SDK1: variants seen among roughly 807,000 people sequenced by gnomAD.
SDK1 encodes sidekick cell adhesion molecule 1.
A neutral mutation model predicts 245.5 loss-of-function variants in SDK1; 157 were observed. That is an observed-to-expected ratio of 0.64 (90% CI 0.56 to 0.73). SDK1 has a LOEUF of 0.73. Ranked by LOEUF, SDK1 falls within the 30% of genes least tolerant of loss-of-function variation. SDK1 has a pLI of 0.00. For synonymous variants in SDK1, 1,647 were observed against 1,278.5 expected (o/e 1.29, Z -6.15); for missense variants, 3,583 against 3,002.3 (o/e 1.19, Z -4.52).
intron 1 of SDK1, among the ~76,000 whole-genome samples, chr7:3,432,510 G>A (rs1319642205): frequency 6.6e-6 from 1 of 152,156 alleles, no homozygotes; most frequent in African/African-American, 2.4e-5. Context: ...GGAAGAAATA[G>A]TAGTTTGTTA....
At position 4,192,474 on chromosome 7, in the gene SDK1, A is replaced by G. The variant is rs143702434; in HGVS notation, c.5099-13405A>G. Among the ~76,000 whole-genome samples the G allele has an allele frequency of 9.7e-3, 1,481 of 151,992 alleles. 24 individuals are homozygous for G. The highest frequency in any genetic ancestry group is 0.034 in the African/African-American group (1,400 of 41,446). On this transcript the variant is annotated intron_variant, in intron 35 of 44. Coordinates refer to ENST00000404826, the MANE Select transcript of SDK1 (RefSeq NM_152744.4). ...GTATTTTTAGTAGAGACAGGGTTTC[A>G]CTGTGTTAGCCAGGATGGTCTCGAT...
intron 1 of SDK1, among the ~76,000 whole-genome samples, chr7:3,311,671 C>A (rs1180715692): frequency 6.6e-6 from 1 of 152,152 alleles, no homozygotes; most frequent in African/African-American, 2.4e-5. Flanking sequence ...TGTTGCGACT[C>A]GTGGAGGCTT....
intron 4 of SDK1, among the ~76,000 whole-genome samples, chr7:3,644,510 A>G (rs1007927563): frequency 2.6e-5 from 4 of 151,534 alleles, no homozygotes; most frequent in Admixed American, 2.6e-4. Flanking sequence ...TGTTCCTGTA[A>G]TCTCGGCACT....
chr7:3,940,263 A>T (rs543330324), intron 5 of SDK1, among the ~76,000 whole-genome samples: 2 of 152,268 alleles, frequency 1.3e-5, no homozygotes, highest in African/African-American at 4.8e-5. Context: ...TTCAAGTTGG[A>T]TATTTAGAAT....
At chr7:3,458,793 C>G (rs1026690198) in intron 1 of SDK1, among the ~76,000 whole-genome samples, 1 of 152,138 alleles carries the variant, frequency 6.6e-6, no homozygotes, top group African/African-American at 2.4e-5. Flanking sequence ...TTTCTACTTG[C>G]TCCAGGAAAT....
At chr7:3,734,845 T>C (rs1779276482) in intron 4 of SDK1, among the ~76,000 whole-genome samples, 1 of 152,186 alleles carries the variant, frequency 6.6e-6, no homozygotes, top group African/African-American at 2.4e-5. Flanking sequence ...TCTTTGGCAA[T>C]TTTTTTCATC....
chr7:3,396,929 C>G (rs1481834433), intron 1 of SDK1, among the ~76,000 whole-genome samples: 2 of 151,132 alleles, frequency 1.3e-5, no homozygotes, highest in African/African-American at 4.8e-5. Context: ...ATTTTTTGTT[C>G]CTTCATTCCT....
At chr7:4,229,745 A>G (rs1048823159) in intron 40 of SDK1, among the ~76,000 whole-genome samples, 6 of 152,220 alleles carry the variant, frequency 3.9e-5, no homozygotes, top group Non-Finnish European at 5.9e-5. Flanking sequence ...CCAGTTTATA[A>G]GAGTCTGTAT....
chr7:3,698,550 C>G (rs1784642430), intron 4 of SDK1, among the ~76,000 whole-genome samples: 1 of 152,138 alleles, frequency 6.6e-6, no homozygotes, highest in Admixed American at 6.5e-5. Flanking sequence ...GTCACAGAAC[C>G]CTCTGCACCT....
In SDK1 at chr7:4,197,813, G is replaced by C. The variant is rs540512152; in HGVS notation, c.5099-8066G>C. On this transcript the variant is annotated intron_variant, in intron 35 of 44. Transcript: ENST00000404826. ...CCTGACCTTCAGATGTGGGAGGACT[G>C]TAAGAATCTCAGGGAGACCCCCACC... is the stretch of plus-strand genomic sequence containing the variant. Among the ~76,000 whole-genome samples, 8 of 152,324 alleles carry C rather than the reference G, an allele frequency of 5.3e-5. No individual in the cohort carries two copies. The East Asian group carries it at 1.4e-3, about 26-fold the overall frequency.
At chr7:3,804,821 G>A (rs555995142) in intron 4 of SDK1, among the ~76,000 whole-genome samples, 14 of 152,262 alleles carry the variant, frequency 9.2e-5, no homozygotes, top group East Asian at 5.8e-4. Flanking sequence ...TGTCAGTGGC[G>A]TTATATTTTA....
chr7:3,399,445 T>C (rs1778822012), intron 1 of SDK1, among the ~76,000 whole-genome samples: 1 of 152,178 alleles, frequency 6.6e-6, no homozygotes, highest in South Asian at 2.1e-4. Flanking sequence ...CAGCTTCTAT[T>C]GACTCCTTTT....
intron 4 of SDK1, among the ~76,000 whole-genome samples, chr7:3,811,645 G>A (rs546941121): frequency 6.6e-6 from 1 of 152,166 alleles, no homozygotes; most frequent in Non-Finnish European, 1.5e-5. Context: ...CCATGGTGCT[G>A]GGAGTAGTCA....
chr7:3,510,126 G>T (rs528317795), intron 1 of SDK1, among the ~76,000 whole-genome samples: 28 of 152,226 alleles, frequency 1.8e-4, no homozygotes, highest in African/African-American at 6.5e-4. Flanking sequence ...TCAAAAGTAG[G>T]TCTGACAGTG....
At chr7:4,041,546 G>T (rs766826182) in intron 17 of SDK1, among the ~76,000 whole-genome samples, 1 of 152,066 alleles carries the variant, frequency 6.6e-6, no homozygotes, top group Non-Finnish European at 1.5e-5. Flanking sequence ...TGTATCCCCC[G>T]TTATAGCCTA....
At chr7:3,620,709 T>C (rs1781910702) in intron 2 of SDK1, among the ~76,000 whole-genome samples, 1 of 152,028 alleles carries the variant, frequency 6.6e-6, no homozygotes, top group African/African-American at 2.4e-5. Context: ...GCAGCCCCAA[T>C]CAGGAGCAGG....
At chr7:3,357,945 T>C (rs1317097180) in intron 1 of SDK1, among the ~76,000 whole-genome samples, 1 of 152,200 alleles carries the variant, frequency 6.6e-6, no homozygotes, top group Admixed American at 6.5e-5. Flanking sequence ...ACATAAATGA[T>C]GTAGCATAAT....
chr7:3,951,072 T>C (rs1395560226), intron 6 of SDK1, 38 bp downstream of exon 6: 3 of 1,419,842 alleles, frequency 2.1e-6, no homozygotes, highest in African/African-American at 1.4e-5. Flanking sequence ...CTAGTAAATA[T>C]TCCATGACCT....
At chr7:3,807,777 A>G (rs6954636) in intron 4 of SDK1, among the ~76,000 whole-genome samples, 15,526 of 152,162 alleles carry the variant, frequency 0.1, 1,210 homozygotes, top group African/African-American at 0.22. Flanking sequence ...GCTGGGTTAG[A>G]GTCTTGATTG....
Sources: allele counts gnomAD v4.1 joint callset (sites outside exome capture counted in the v4.1 genomes callset), GRCh38; gene constraint gnomAD v4.1.1; transcripts MANE v1.5; gene names NCBI Gene and HGNC (gene_info 2026-07-23, HGNC 2026-07-21).